PTK7: variants seen among roughly 807,000 people sequenced by gnomAD.
PTK7 encodes the protein inactive tyrosine-protein kinase 7.
PTK7 carries 39 observed loss-of-function variants against 116.6 expected under a neutral mutation model. That is an observed-to-expected ratio of 0.33 (90% confidence interval 0.26 to 0.44). The LOEUF is 0.44. Among genes scored for constraint, PTK7 ranks in the 20% least tolerant of loss-of-function variants. The probability of loss-of-function intolerance (pLI) is 1.00; values close to 1 mark genes in which losing one functional copy is unlikely to be tolerated. For synonymous variants in PTK7, 546 were observed against 563.6 expected (o/e 0.97, Z 0.44); for missense variants, 1,169 against 1,425.6 (o/e 0.82, Z 2.90).
chr6:43,127,899 A>G (rs921841814), intron 1 of PTK7, among the ~76,000 whole-genome samples: 12 of 152,084 alleles, frequency 7.9e-5, no homozygotes, highest in Non-Finnish European at 1.8e-4. Context: ...ACTGCACTCC[A>G]GCCTGGGTGA....
chr6:43,144,847 G>T, intron 15 of PTK7: 1 of 428,636 alleles, frequency 2.3e-6, no homozygotes, highest in Non-Finnish European at 4.0e-6. Flanking sequence ...TATTTAAATT[G>T]ACTCTTTAAA....
At chr6:43,131,061 A>G (rs577381152) in intron 5 of PTK7, among the ~76,000 whole-genome samples, 6,645 of 149,024 alleles carry the variant, frequency 0.045, 212 homozygotes, top group Non-Finnish European at 0.069. Context: ...ACACACACAC[A>G]CACACACACA....
At position 43,076,751 on chromosome 6, in the gene PTK7, G is replaced by C; in HGVS notation, c.79+184G>C. Reference sequence around the variant, plus strand: ...GCCCGGGTGTCGGGAGGCTGGCGAAGCCTCCAGGGACGCGGTCAGGGTACC... The same window carrying C: ...GCCCGGGTGTCGGGAGGCTGGCGAACCCTCCAGGGACGCGGTCAGGGTACC... On this transcript the variant is annotated intron_variant, in intron 1 of 19. Transcript: ENST00000230419. This position sits in a 1 kb window ranked among gnomAD's most constrained non-coding sequence, Gnocchi z 5.7. The C allele has an allele frequency of 7.2e-7, 1 of 1,389,088 alleles. No homozygotes were observed. The highest frequency in any genetic ancestry group is 9.4e-7 in the Non-Finnish European group (1 of 1,069,282). The allele number at this position is 1,389,088 out of a possible 1,614,324, so 86.0% of individuals were successfully genotyped here. A position where few individuals can be genotyped will look rare whatever the true frequency, so the allele number is the denominator to read the frequency against.
chr6:43,118,677 A>ATG (rs1561956619), intron 1 of PTK7, among the ~76,000 whole-genome samples: 5 of 118,994 alleles, frequency 4.2e-5, no homozygotes, highest in African/African-American at 1.8e-4. Context: ...ATATATATAT[A>ATG]TATATATATA....
chr6:43,160,012 TG>T (rs768352687), intron 19 of PTK7, 46 bp downstream of exon 19: 2 of 1,581,270 alleles, frequency 1.3e-6, no homozygotes, highest in Admixed American at 3.5e-5. Flanking sequence ...GGGCCCCAGA[TG>T]GGGCCTACTC....
intron 1 of PTK7, among the ~76,000 whole-genome samples, chr6:43,097,103 A>G (rs1410549540): frequency 7.1e-6 from 1 of 140,028 alleles, no homozygotes; most frequent in East Asian, 2.1e-4. Context: ...GAAAACACAC[A>G]CTTACAATTC....
chr6:43,118,657 C>CTATATATA (rs1374096197), intron 1 of PTK7, among the ~76,000 whole-genome samples: 1 of 61,052 alleles, frequency 1.6e-5, no homozygotes, highest in Non-Finnish European at 3.0e-5. Flanking sequence ...CTCTCTCTCT[C>CTATATATA]TCTATATATA....
At position 43,149,461 on chromosome 6, in the gene PTK7, A is replaced by G. The variant is rs76115219; in HGVS notation, c.2721+2763A>G. Among the ~76,000 whole-genome samples, 25 of 152,364 alleles carry G rather than the reference A, an allele frequency of 1.6e-4. No individual in the cohort carries two copies. The East Asian group carries it at 4.4e-3, about 27-fold the overall frequency. On this transcript the variant is annotated intron_variant, in intron 17 of 19. Transcript: ENST00000230419. ...GAGGTCTAAAGATGTGAATTTTTCA[A>G]ACAAGCTCTCCAGCTGATTCCTAAG...
At chr6:43,110,067 G>A (rs949771651) in intron 1 of PTK7, among the ~76,000 whole-genome samples, 1 of 149,484 alleles carries the variant, frequency 6.7e-6, no homozygotes, top group Non-Finnish European at 1.5e-5. Context: ...CGTGATTTTG[G>A]CTCACAGCAA....
chr6:43,107,138 G>A lies in PTK7; in HGVS notation c.80-21839G>A, dbSNP rs1460400119. On this transcript the variant is annotated intron_variant, in intron 1 of 19. Coordinates refer to ENST00000230419, the MANE Select transcript of PTK7 (RefSeq NM_002821.5). ...GATTTTCACCTTGTGGGCCAGACTG[G>A]TCTCGAACTCCTGACCTCAAGGTGA... 2.0e-5 allele frequency among the ~76,000 whole-genome samples: 3 copies of A among 149,030 alleles called. 1 individual carries two copies. The highest frequency in any genetic ancestry group is 7.5e-5 in the African/African-American group (3 of 39,994).
At position 43,145,331 on chromosome 6, in the gene PTK7, T is replaced by C. The variant is rs1435973488; in HGVS notation, c.2539T>C (p.Leu847=). The C allele has an allele frequency of 1.2e-6, 2 of 1,612,660 alleles. No individual in the cohort carries two copies. The highest frequency in any genetic ancestry group is 1.1e-5 in the South Asian group (1 of 91,002). ...EQQQLDFRRE[L]EMFGKLNHAN... is the part of the protein sequence containing the mutation. ...GCAGCAGCTGGACTTCCGGAGGGAGTTGGAGATGTTTGGGAAGCTGAACCA... is the reference window on the plus strand; with the variant it reads ...GCAGCAGCTGGACTTCCGGAGGGAGCTGGAGATGTTTGGGAAGCTGAACCA... The change falls in exon 16 of 20, where the codon TTG becomes CTG. Residue 847 remains leucine, a synonymous_variant. Coordinates refer to ENST00000230419, the MANE Select transcript of PTK7 (RefSeq NM_002821.5). This position sits in a 1 kb window ranked among gnomAD's most constrained non-coding sequence, Gnocchi z 4.8.
intron 1 of PTK7, among the ~76,000 whole-genome samples, chr6:43,095,881 C>G (rs951096089): frequency 2.6e-5 from 4 of 152,164 alleles, no homozygotes; most frequent in Non-Finnish European, 5.9e-5. Context: ...CTTCATTGTC[C>G]TGTGAGGGTT....
Position 43,143,394 on chromosome 6 carries a change from A to G in PTK7, c.2048-23A>G. 1 of 1,611,602 alleles carries G rather than the reference A, an allele frequency of 6.2e-7. No homozygotes were observed. Among genetic ancestry groups the G allele is most frequent in the South Asian group, 1.1e-5 (1 of 91,034 alleles). ...TTCTTTTGCTTAGCAGCCCCTGCCC[A>G]GACCCATCTGTGTGTCTCTCAGACA... On this transcript the variant is annotated intron_variant, in intron 13 of 19. Coordinates refer to ENST00000230419, the MANE Select transcript of PTK7 (RefSeq NM_002821.5). This position sits in a 1 kb window ranked among gnomAD's most constrained non-coding sequence, Gnocchi z 4.2.
chr6:43,079,039 G>A (rs1234298839), intron 1 of PTK7, among the ~76,000 whole-genome samples: 2 of 152,040 alleles, frequency 1.3e-5, no homozygotes, highest in Non-Finnish European at 1.5e-5. Flanking sequence ...CTTGTCACTT[G>A]TCAAATGATA....
chr6:43,160,649 G>A, intron 19 of PTK7, 72 bp from the exon 20 acceptor site: 1 of 1,567,880 alleles, frequency 6.4e-7, no homozygotes, highest in South Asian at 1.2e-5. Context: ...TGTATAAACT[G>A]CAAGGTCCAC....
chr6:43,095,147 G>A (rs1329249191), intron 1 of PTK7, among the ~76,000 whole-genome samples: 1 of 149,478 alleles, frequency 6.7e-6, no homozygotes, highest in Non-Finnish European at 1.5e-5. Flanking sequence ...ATCACCTGAG[G>A]TAGGGAGTTC....
Position 43,146,491 on chromosome 6 carries a change from G to A in PTK7, c.2641-127G>A, listed in dbSNP as rs567852997. On this transcript the variant is annotated intron_variant, in intron 16 of 19. Coordinates refer to ENST00000230419, the MANE Select transcript of PTK7 (RefSeq NM_002821.5). The stretch of plus-strand genomic sequence containing the variant: ...CAGTGAACTTCCCCCTGGGAAAGGG[G>A]CCCAGGCTAGCTTAGGCCTTCTCAC... The A allele has an allele frequency of 4.0e-5, 31 of 780,096 alleles. No homozygotes were observed. In the South Asian group the frequency reaches 5.1e-4, roughly 13 times the overall value. The allele number at this position is 780,096 out of a possible 1,614,324, so 48.3% of individuals were successfully genotyped here. A position where few individuals can be genotyped will look rare whatever the true frequency, so the allele number is the denominator to read the frequency against.
At chr6:43,126,411 T>C (rs1479275960) in intron 1 of PTK7, among the ~76,000 whole-genome samples, 1 of 152,176 alleles carries the variant, frequency 6.6e-6, no homozygotes, top group Non-Finnish European at 1.5e-5. Context: ...ATCTGTGTCA[T>C]GAGAGGTGCT....
intron 1 of PTK7, among the ~76,000 whole-genome samples, chr6:43,088,313 A>C (rs1011327322): frequency 4.6e-5 from 7 of 152,100 alleles, no homozygotes; most frequent in African/African-American, 1.7e-4. Flanking sequence ...CTCAAAAAAC[A>C]AAGGTAGAAA....
Sources: gnomAD v4.1 joint callset for allele counts (sites outside exome capture counted in the v4.1 genomes callset) on GRCh38, gnomAD v4.1.1 for gene constraint, Gnocchi (gnomAD v3.1) non-coding constraint, MANE v1.5 for transcripts, NCBI Gene and HGNC (gene_info 2026-07-23, HGNC 2026-07-21) for gene names.